Variants in SACS observed in about 807,000 individuals in gnomAD.
SACS encodes sacsin molecular chaperone, also known as sacsin.
In SACS, 197 loss-of-function variants were observed where a neutral mutation model predicts 348.0. That is an observed-to-expected ratio of 0.57 (90% CI 0.50 to 0.64). SACS has a LOEUF of 0.64. Ranked by LOEUF, SACS falls within the 30% of genes least tolerant of loss-of-function variation. The pLI is 0.00. For synonymous variants in SACS, 1,985 were observed against 1,910.6 expected (o/e 1.04, Z -1.02); for missense variants, 4,999 against 5,360.8 (o/e 0.93, Z 2.11).
In SACS at chr13:23,365,234, T is replaced by C. The variant is rs749263661; in HGVS notation, c.389A>G (p.Lys130Arg). ...NAEDAGATEV[K>R]FLYDETQYGT... is the part of the protein sequence containing the mutation. Reference sequence around the variant, plus strand: ...GTATTGAGTTTCATCATATAAAAATTTAACTTCTGTCGCCCCAGCATCTTC... The same window carrying C: ...GTATTGAGTTTCATCATATAAAAATCTAACTTCTGTCGCCCCAGCATCTTC... The change falls in exon 6 of 10, where the codon AAA (lysine) becomes AGA (arginine). Residue 130 changes from lysine to arginine, a missense_variant. By Grantham distance (26) the Lys-to-Arg change is conservative. This residue lies in a region of SACS where 3,156 missense variants were observed against 3,380.1 expected (regional missense o/e 0.93). Transcript: ENST00000382292. 1 of 1,612,434 alleles carries C rather than the reference T, an allele frequency of 6.2e-7. No homozygotes were observed. Among genetic ancestry groups the C allele is most frequent in the Admixed American group, 1.7e-5 (1 of 59,806 alleles).
intron 2 of SACS, among the ~76,000 whole-genome samples, chr13:23,410,818 C>T (rs1873450063): frequency 6.6e-6 from 1 of 152,068 alleles, no homozygotes; most frequent in Admixed American, 6.6e-5. Flanking sequence ...TTCTCTTTCT[C>T]TCTCCCCTCT....
rs780522946 is a variant in SACS, at chr13:23,330,190, T to A, written c.13686A>T (p.Glu4562Asp). 1.2e-6 allele frequency: 2 copies of A among 1,614,136 alleles called. No individual in the cohort carries two copies. Among genetic ancestry groups the A allele is most frequent in the Non-Finnish European group, 1.7e-6 (2 of 1,179,970 alleles). The change falls in exon 10 of 10, where the codon GAA (glutamate) becomes GAT (aspartate). Residue 4562 changes from glutamate to aspartate, a missense_variant. Physicochemically the swap from Glu to Asp is conservative, Grantham distance 45. This residue lies in a region of SACS where 254 missense variants were observed against 275.1 expected (regional missense o/e 0.92). Transcript: ENST00000382292. ...FTSEVAMRVM[E>D]CTACIIIKLE... The stretch of plus-strand genomic sequence containing the variant: ...GTTTTATTATGATACAGGCAGTACA[T>A]TCCATCACCCTCATAGCAACCTCAG...
rs1331333016 is a variant in SACS at position 23,414,141 on chromosome 13, A to G, written c.-501-2401T>C. 2.0e-5 allele frequency among the ~76,000 whole-genome samples: 3 copies of G among 152,128 alleles called. No individual in the cohort carries two copies. In the South Asian group the frequency reaches 6.2e-4, roughly 32 times the overall value. On this transcript the variant is annotated intron_variant, in intron 1 of 9. Coordinates refer to ENST00000382292, the MANE Select transcript of SACS (RefSeq NM_014363.6). ...AACACAGTGAAACCCCGTCTCTACTAAAAATACAAAAAGTTAGCCGGGCGT... is the reference window on the plus strand; with the variant it reads ...AACACAGTGAAACCCCGTCTCTACTGAAAATACAAAAAGTTAGCCGGGCGT...
chr13:23,342,266 T>G (rs1382295369), intron 9 of SACS, among the ~76,000 whole-genome samples: 2 of 152,206 alleles, frequency 1.3e-5, no homozygotes, highest in Non-Finnish European at 2.9e-5. Context: ...CAAAATGCAT[T>G]TAAATATGTT....
In SACS at chr13:23,334,984, TG is replaced by T; in HGVS notation, c.8891del (p.Pro2964GlnfsTer14). The T allele has an allele frequency of 6.2e-7, 1 of 1,613,886 alleles. No homozygotes were observed. Among genetic ancestry groups the T allele is most frequent in the Non-Finnish European group, 8.5e-7 (1 of 1,179,824 alleles). On this transcript the variant is annotated frameshift_variant, in exon 10 of 10. Coordinates refer to ENST00000382292, the MANE Select transcript of SACS (RefSeq NM_014363.6). LOFTEE classifies it high-confidence loss of function. ...DTLKKFLSFF[P>X]VNRLDLQPDL... ...CTGGCTGTAGATCAAGACGGTTAAC[TG>T]GGAAAAACGATAAAAACTTCTTTAA...
chr13:23,351,609 T>C (rs1044619210), intron 9 of SACS, among the ~76,000 whole-genome samples: 1 of 152,206 alleles, frequency 6.6e-6, no homozygotes, highest in African/African-American at 2.4e-5. Flanking sequence ...TGTGAGTCCA[T>C]TAAACTTCTT....
At position 23,333,949 on chromosome 13, in the gene SACS, A is replaced by G. The variant is rs773836774; in HGVS notation, c.9927T>C (p.Ile3309=). 1.9e-6 allele frequency: 3 copies of G among 1,613,786 alleles called. No homozygotes were observed. In the African/African-American group the frequency reaches 4.0e-5, roughly 22 times the overall value. Residue 3309 remains isoleucine (I), a synonymous_variant, in exon 10 of 10, where the codon ATT becomes ATC. Transcript: ENST00000382292. ...CACTCTGGGCATTTGGAAAAACTGCAATGTGCATAAGGCTGAGAGGAAGCA... is the reference window on the plus strand; with the variant it reads ...CACTCTGGGCATTTGGAAAAACTGCGATGTGCATAAGGCTGAGAGGAAGCA... The part of the protein sequence containing the change: ...DVLLPLSLMH[I]AVFPNAQSDK...
chr13:23,424,417 T>G (rs578131721), intron 1 of SACS, among the ~76,000 whole-genome samples: 7 of 151,546 alleles, frequency 4.6e-5, no homozygotes, highest in African/African-American at 1.7e-4. Context: ...CCCAACTACT[T>G]GGGAGGCTGA....
rs753871319 is a variant in SACS at position 23,339,494 on chromosome 13, G to A, written c.4382C>T (p.Thr1461Ile). 1.2e-6 allele frequency: 2 copies of A among 1,609,688 alleles called. No individual in the cohort carries two copies. Among genetic ancestry groups the A allele is most frequent in the Non-Finnish European group, 1.7e-6 (2 of 1,177,416 alleles). ...FEQSGQREPL[T>I]VRIKNILEEY... ...TTCCAGAATATTTTTAATTCTTACA[G>A]TAAGTGGCTCTCTTTGTCCTGACTG... is the stretch of plus-strand genomic sequence containing the variant. The change falls in exon 10 of 10, where the codon ACT becomes ATT. Residue 1461 changes from threonine (T) to isoleucine (I), a missense_variant. By Grantham distance (89) the Thr-to-Ile change is moderately conservative (BLOSUM62 -1). Coordinates refer to ENST00000382292, the MANE Select transcript of SACS (RefSeq NM_014363.6).
rs1261457815 is a variant in SACS at position 23,355,490 on chromosome 13, G to A, written c.1122C>T (p.His374=). ...TCTCCTCTTCTAAAACAATATTTAC[G>A]TGATATGTTACACAGGTGATGTTAT... ...PSNNITCVTY[H]VNIVLEEEST... The change falls in exon 8 of 10, where the codon CAC becomes CAT. Residue 374 remains histidine, a synonymous_variant. Transcript: ENST00000382292. 14 of 1,613,942 alleles carry A rather than the reference G, an allele frequency of 8.7e-6. No homozygotes were observed. The highest frequency in any genetic ancestry group is 2.2e-5 in the East Asian group (1 of 44,882).
At chr13:23,366,800 GCAA>G (rs1194809423) in intron 5 of SACS, among the ~76,000 whole-genome samples, 1 of 152,214 alleles carries the variant, frequency 6.6e-6, no homozygotes, top group Non-Finnish European at 1.5e-5. Flanking sequence ...CTGGGAAACA[GCAA>G]CAATACATTT....
At chr13:23,402,351 T>C (rs1873016179) in intron 2 of SACS, among the ~76,000 whole-genome samples, 1 of 152,210 alleles carries the variant, frequency 6.6e-6, no homozygotes, top group Non-Finnish European at 1.5e-5. Flanking sequence ...GAAATTCCTT[T>C]TCTGTTAAGC....
intron 3 of SACS, among the ~76,000 whole-genome samples, chr13:23,374,271 C>G (rs902464419): frequency 1.3e-5 from 2 of 152,168 alleles, no homozygotes; most frequent in Non-Finnish European, 2.9e-5. Flanking sequence ...CTCAAGTACA[C>G]AGAAGGTCAG....
At chr13:23,413,560 T>C (rs1299679615) in intron 1 of SACS, among the ~76,000 whole-genome samples, 1 of 152,164 alleles carries the variant, frequency 6.6e-6, no homozygotes. Flanking sequence ...CAACAATGTT[T>C]CATTGTGGGG....
At position 23,411,360 on chromosome 13, in the gene SACS, G is replaced by A. The variant is rs1343612771; in HGVS notation, c.-121C>T. 17 of 923,702 alleles carry A rather than the reference G, an allele frequency of 1.8e-5. No homozygotes were observed. The South Asian group carries it at 2.0e-4, about 11-fold the overall frequency. 57.2% of individuals were successfully genotyped at this position (923,702 alleles called of 1,614,324 possible). A position where few individuals can be genotyped will look rare whatever the true frequency, so the allele number is the denominator to read the frequency against. ...CTCCAAGTTCAGCTCTTCCTGCCAG[G>A]TGGAAAAAAAGCCTGTTTTTCCCTT... is the stretch of plus-strand genomic sequence containing the variant. On this transcript the variant is annotated 5_prime_UTR_variant, in exon 2 of 10. Coordinates refer to ENST00000382292, the MANE Select transcript of SACS (RefSeq NM_014363.6).
At position 23,391,563 on chromosome 13, in the gene SACS, C is replaced by T. The variant is rs921845750; in HGVS notation, c.21-16294G>A. ...CCTTCTCAGGGAGCTTGCTCTACAT[C>T]GGGACTCTGCGCCCTTCAAGGTTCA... On this transcript the variant is annotated intron_variant, in intron 2 of 9. Transcript: ENST00000382292. Among the ~76,000 whole-genome samples, 5 of 110,280 alleles carry T rather than the reference C, an allele frequency of 4.5e-5. No homozygotes were observed. In the Admixed American group the frequency reaches 5.0e-4, roughly 11 times the overall value. 72.3% of individuals were successfully genotyped at this position (110,280 alleles called of 152,430 possible). A position where few individuals can be genotyped will look rare whatever the true frequency, so the allele number is the denominator to read the frequency against.
chr13:23,365,144 G>A lies in SACS; in HGVS notation c.457+22C>T, dbSNP rs373861993. The A allele has an allele frequency of 1.3e-5, 19 of 1,494,568 alleles. No individual in the cohort carries two copies. In the African/African-American group the frequency reaches 2.2e-4, roughly 17 times the overall value. 92.6% of individuals were successfully genotyped at this position (1,494,568 alleles called of 1,614,324 possible). ...CCTGTTAGTGCATACAATAAAATTT[G>A]TTCCTAATTATTGATTCTTACCCTG... On this transcript the variant is annotated intron_variant, in intron 6 of 9. Transcript: ENST00000382292.
At position 23,426,469 on chromosome 13, in the gene SACS, C is replaced by T. The variant is rs574826517; in HGVS notation, c.-502+7146G>A. On this transcript the variant is annotated intron_variant, in intron 1 of 9. Coordinates refer to ENST00000382292, the MANE Select transcript of SACS (RefSeq NM_014363.6). ...CAGCCTGGCCAACATGGTGAAACCCCGTCTCTACGAAAATACAAAATTTAG... is the reference window on the plus strand; with the variant it reads ...CAGCCTGGCCAACATGGTGAAACCCTGTCTCTACGAAAATACAAAATTTAG... Among the ~76,000 whole-genome samples, 12 of 152,096 alleles carry T rather than the reference C, an allele frequency of 7.9e-5. No individual in the cohort carries two copies. In the East Asian group the frequency reaches 1.5e-3, roughly 20 times the overall value.
Position 23,338,650 on chromosome 13 carries a change from G to C in SACS, c.5226C>G (p.Cys1742Trp), listed in dbSNP as rs770106641. The change falls in exon 10 of 10, where the codon TGC (cysteine) becomes TGG (tryptophan). Residue 1742 changes from cysteine to tryptophan, a missense_variant. This residue lies in a region of SACS where 3,156 missense variants were observed against 3,380.1 expected (regional missense o/e 0.93). Coordinates refer to ENST00000382292, the MANE Select transcript of SACS (RefSeq NM_014363.6). Reference protein sequence around the residue: ...LKEAAKLMKTCSSSNKKLPSD... With the variant: ...LKEAAKLMKTWSSSNKKLPSD... The stretch of plus-strand genomic sequence containing the variant: ...TGGGAAGCTTTTTATTACTGCTGCT[G>C]CAAGTCTTCATGAGCTTAGCAGCCT... 1.2e-5 allele frequency: 19 copies of C among 1,614,014 alleles called. No individual in the cohort carries two copies. The highest frequency in any genetic ancestry group is 2.2e-5 in the East Asian group (1 of 44,900).
Sources: gnomAD v4.1 joint callset for allele counts (sites outside exome capture counted in the v4.1 genomes callset) on GRCh38, gnomAD v4.1.1 for gene constraint, gnomAD v4.1.1 regional missense constraint, MANE v1.5 for transcripts, NCBI Gene and HGNC (gene_info 2026-07-23, HGNC 2026-07-21) for gene names.